The following PCDHA3 variants were observed in gnomAD, a reference collection of about 807,000 sequenced individuals.
PCDHA3 encodes protocadherin alpha 3, also known as protocadherin alpha-3.
A neutral mutation model predicts 62.2 loss-of-function variants in PCDHA3; 41 were observed. The ratio of observed to expected loss-of-function variants is 0.66; its 90% CI spans 0.51 to 0.86. The LOEUF (loss-of-function observed/expected upper bound fraction) is 0.86, where lower values mean the gene tolerates loss of function less well. Ranked by LOEUF, PCDHA3 falls within the 40% of genes least tolerant of loss-of-function variation. The pLI, the probability that PCDHA3 is intolerant of heterozygous loss-of-function variation, is 0.00. For missense variants in PCDHA3, 1,304 were observed against 1,241.2 expected (o/e 1.05, Z -0.76); for synonymous variants, 640 against 555.4 (o/e 1.15, Z -2.14).
intron 1 of PCDHA3, chr5:140,967,032 A>G (rs2096085772): frequency 6.2e-7 from 1 of 1,610,180 alleles, no homozygotes; most frequent in African/African-American, 1.3e-5. Context: ...AGTCCGCGCT[A>G]CCTGGAGCTG....
intron 1 of PCDHA3, among the ~76,000 whole-genome samples, chr5:140,893,379 ACAG>A (rs2063957000): frequency 6.6e-6 from 1 of 152,140 alleles, no homozygotes; most frequent in South Asian, 2.1e-4. Context: ...CATTTATGGG[ACAG>A]TGGCTCATGC....
rs148820707 is a variant in PCDHA3, at chr5:140,954,545, G to A, written c.2395-24404G>A. ...AGTGATGTTGAGGTTTTTTTCATAT[G>A]TTTGTTGGCTGCATGACTGTCTTCT... On this transcript the variant is annotated intron_variant, in intron 1 of 3. Coordinates refer to ENST00000522353, the MANE Select transcript of PCDHA3 (RefSeq NM_018906.3). 4.6e-3 allele frequency among the ~76,000 whole-genome samples: 702 copies of A among 152,204 alleles called. 2 individuals are homozygous for A. The highest frequency in any genetic ancestry group is 0.016 in the African/African-American group (679 of 41,554).
intron 1 of PCDHA3, chr5:140,808,273 C>G: frequency 6.2e-7 from 1 of 1,614,232 alleles, no homozygotes; most frequent in Non-Finnish European, 8.5e-7. Flanking sequence ...TTAGAGAGGA[C>G]GCTCCACTGG....
At chr5:140,958,597 G>A (rs551005076) in intron 1 of PCDHA3, among the ~76,000 whole-genome samples, 60 of 152,170 alleles carry the variant, frequency 3.9e-4, no homozygotes, top group African/African-American at 1.4e-3. Context: ...ATGATAATTG[G>A]ATCAAAGGAA....
At chr5:140,913,610 A>C (rs1271705435) in intron 1 of PCDHA3, among the ~76,000 whole-genome samples, 2 of 151,906 alleles carry the variant, frequency 1.3e-5, no homozygotes, top group African/African-American at 4.8e-5. Flanking sequence ...TATTTTCTCT[A>C]CTAATTTTGG....
intron 1 of PCDHA3, among the ~76,000 whole-genome samples, chr5:140,908,703 C>T (rs751488038): frequency 5.9e-5 from 9 of 152,318 alleles, no homozygotes; most frequent in Non-Finnish European, 1.3e-4. Flanking sequence ...ACCTCAAGCA[C>T]CATTGGATCT....
chr5:140,993,462 TCACACACACACA>T (rs3836747), intron 3 of PCDHA3, among the ~76,000 whole-genome samples: 1,999 of 141,038 alleles, frequency 0.014, 48 homozygotes, highest in African/African-American at 0.047. Context: ...TCTTTCTTTC[TCACACACACACA>T]CACACACACA....
chr5:140,838,406 G>T (rs1775717074), intron 1 of PCDHA3, among the ~76,000 whole-genome samples: 1 of 151,394 alleles, frequency 6.6e-6, no homozygotes, highest in Admixed American at 6.6e-5. Flanking sequence ...TTACAGGAGT[G>T]AGCCACCGCA....
intron 1 of PCDHA3, among the ~76,000 whole-genome samples, chr5:140,827,565 CTA>C (rs1769331404): frequency 6.6e-6 from 1 of 152,156 alleles, no homozygotes; most frequent in Non-Finnish European, 1.5e-5. Context: ...CCCTAGAGCA[CTA>C]TATAATAGCA....
chr5:140,968,942 T>C (rs782129541), intron 1 of PCDHA3: 2 of 1,614,214 alleles, frequency 1.2e-6, no homozygotes, highest in South Asian at 2.2e-5. Context: ...AATCATCATT[T>C]TGAGCATCAT....
intron 1 of PCDHA3, among the ~76,000 whole-genome samples, chr5:140,919,697 A>G (rs1395748776): frequency 1.3e-5 from 2 of 152,188 alleles, no homozygotes; most frequent in Non-Finnish European, 2.9e-5. Flanking sequence ...GATTTATATT[A>G]ACTTAATTCT....
At chr5:140,870,385 G>C (rs548890657) in intron 1 of PCDHA3, 2 of 1,614,240 alleles carry the variant, frequency 1.2e-6, no homozygotes, top group African/African-American at 2.7e-5. Context: ...GACTGCGCGG[G>C]ATGGGGGTTC....
At chr5:140,821,208 T>A (rs879956667) in intron 1 of PCDHA3, among the ~76,000 whole-genome samples, 1 of 152,160 alleles carries the variant, frequency 6.6e-6, no homozygotes, top group Non-Finnish European at 1.5e-5. Flanking sequence ...AAGTTTTAAT[T>A]AGATATGTTT....
At chr5:140,808,786 T>C (rs1554124782) in intron 1 of PCDHA3, 9 of 1,612,390 alleles carry the variant, frequency 5.6e-6, no homozygotes, top group South Asian at 3.3e-5. Flanking sequence ...TGCTGCAGTT[T>C]CAGGTGACCG....
intron 1 of PCDHA3, among the ~76,000 whole-genome samples, chr5:140,827,225 A>G (rs1210832493): frequency 2.6e-5 from 4 of 152,214 alleles, no homozygotes; most frequent in Admixed American, 2.6e-4. Flanking sequence ...AGGAAAGGAT[A>G]TGGGACAGGG....
At chr5:140,852,885 AT>A (rs2150523673) in intron 1 of PCDHA3, 17,743 of 732,756 alleles carry the variant, frequency 0.024, 6 homozygotes, top group Non-Finnish European at 0.027. Flanking sequence ...CATAAAACGT[AT>A]TTTTTTTTTT....
intron 1 of PCDHA3, chr5:140,830,412 C>G (rs2150186226): frequency 6.2e-7 from 1 of 1,614,064 alleles, no homozygotes; most frequent in Non-Finnish European, 8.5e-7. Flanking sequence ...GCCTTTAGCC[C>G]CAGCCTTTCA....
At chr5:140,851,713 T>C in intron 1 of PCDHA3, 1 of 961,328 alleles carries the variant, frequency 1.0e-6, no homozygotes, top group Non-Finnish European at 1.3e-6. Context: ...ATGTGAAGAT[T>C]CGAAACTTCG....
At chr5:140,838,499 T>G (rs1411144727) in intron 1 of PCDHA3, among the ~76,000 whole-genome samples, 5 of 151,960 alleles carry the variant, frequency 3.3e-5, no homozygotes, top group Non-Finnish European at 5.9e-5. Context: ...TGCTTTCTTA[T>G]TTTTAAAAGT....
Sources: allele counts gnomAD v4.1 joint callset (sites outside exome capture counted in the v4.1 genomes callset), GRCh38; gene constraint gnomAD v4.1.1; transcripts MANE v1.5; gene names NCBI Gene and HGNC (gene_info 2026-07-23, HGNC 2026-07-21).